Variants in CHD9 observed in about 807,000 individuals in gnomAD.
The protein encoded by CHD9 is chromodomain helicase DNA binding protein 9.
In CHD9, 77 loss-of-function variants were observed where a neutral mutation model predicts 316.1. The ratio of observed to expected loss-of-function variants is 0.24; its 90% CI spans 0.20 to 0.29. The LOEUF (loss-of-function observed/expected upper bound fraction) is 0.29, where lower values mean the gene tolerates loss of function less well. Ranked by LOEUF, CHD9 falls within the 10% of genes least tolerant of loss-of-function variation. The pLI, the probability that CHD9 is intolerant of heterozygous loss-of-function variation, is 1.00. For synonymous variants in CHD9, 1,129 were observed against 1,158.3 expected (o/e 0.97, Z 0.51); for missense variants, 2,763 against 3,438.1 (o/e 0.80, Z 4.91).
chr16:53,123,558 G>A (rs1163696580), intron 1 of CHD9, among the ~76,000 whole-genome samples: 2 of 152,024 alleles, frequency 1.3e-5, no homozygotes, highest in Non-Finnish European at 2.9e-5. Flanking sequence ...CTAGAATGCA[G>A]TGGCTGTATC....
intron 1 of CHD9, among the ~76,000 whole-genome samples, chr16:53,077,328 AT>A (rs924893639): frequency 2.5e-4 from 32 of 128,386 alleles, no homozygotes; most frequent in African/African-American, 5.8e-4. Flanking sequence ...TTTTAAATTC[AT>A]TTTTTTTTGT....
intron 2 of CHD9, among the ~76,000 whole-genome samples, chr16:53,187,776 A>C (rs1412863365): frequency 1.3e-5 from 2 of 152,202 alleles, no homozygotes; most frequent in Non-Finnish European, 2.9e-5. Flanking sequence ...TGGGAAAAGG[A>C]CTTTTTGTAT....
At chr16:53,173,894 T>G (rs1323936444) in intron 2 of CHD9, among the ~76,000 whole-genome samples, 1 of 152,142 alleles carries the variant, frequency 6.6e-6, no homozygotes, top group Admixed American at 6.5e-5. Context: ...ATTAAGATCT[T>G]TCTTCTTATT....
At chr16:53,100,450 C>G in intron 1 of CHD9, among the ~76,000 whole-genome samples, 1 of 105,216 alleles carries the variant, frequency 9.5e-6, no homozygotes, top group East Asian at 2.7e-4. Flanking sequence ...TAGACTCATT[C>G]GTCTTTTTTT....
intron 19 of CHD9, among the ~76,000 whole-genome samples, chr16:53,262,274 A>G (rs1264825994): frequency 6.6e-6 from 1 of 152,170 alleles, no homozygotes; most frequent in Non-Finnish European, 1.5e-5. Flanking sequence ...AGTGATTTAA[A>G]TTGTAAATAA....
chr16:53,187,448 G>A (rs531622117), intron 2 of CHD9, among the ~76,000 whole-genome samples: 6 of 152,212 alleles, frequency 3.9e-5, no homozygotes, highest in African/African-American at 1.2e-4. Flanking sequence ...CAAAGTTACC[G>A]TGAGCTATGA....
At position 53,203,576 on chromosome 16, in the gene CHD9, C is replaced by T. The variant is rs138285957; in HGVS notation, c.1453-5906C>T. On this transcript the variant is annotated intron_variant, in intron 2 of 38. Transcript: ENST00000447540. ...CTTCTATCCACCTAGTCCTCCAAGC[C>T]TAAAGCCTAAGAGTCTTCCTCTCTC... is the stretch of plus-strand genomic sequence containing the variant. Among the ~76,000 whole-genome samples the T allele has an allele frequency of 2.1e-3, 327 of 152,276 alleles. 1 individual carries two copies. The Middle Eastern group carries it at 0.027, about 13-fold the overall frequency.
At chr16:53,220,172 G>A (rs2047119524) in intron 3 of CHD9, among the ~76,000 whole-genome samples, 1 of 152,206 alleles carries the variant, frequency 6.6e-6, no homozygotes, top group Admixed American at 6.5e-5. Flanking sequence ...TGTTGCTTCA[G>A]AATATCTTTG....
In CHD9 at chr16:53,245,303, A is replaced by T. The variant is rs527662666; in HGVS notation, c.3055-33A>T. 1.5e-5 allele frequency: 22 copies of T among 1,461,846 alleles called. No individual in the cohort carries two copies. In the South Asian group the frequency reaches 2.7e-4, roughly 18 times the overall value. 90.6% of individuals were successfully genotyped at this position (1,461,846 alleles called of 1,614,324 possible). On this transcript the variant is annotated intron_variant, in intron 13 of 38. Coordinates refer to ENST00000447540, the MANE Select transcript of CHD9 (RefSeq NM_001308319.2). The surrounding 1 kb of genome is among the most constrained non-coding windows in gnomAD (Gnocchi z 4.1). ...GCTTTCATATAATTTTAGTACTGTG[A>T]TGTTTGATGTGAATTGTTCTCACTT...
At chr16:53,288,427 A>G (rs888657243) in intron 27 of CHD9, among the ~76,000 whole-genome samples, 2 of 152,272 alleles carry the variant, frequency 1.3e-5, no homozygotes, top group Non-Finnish European at 2.9e-5. Flanking sequence ...GCCAAAGCAT[A>G]GTTCTCAGTG....
chr16:53,254,575 C>T lies in CHD9; in HGVS notation c.3999C>T (p.Ser1333=), dbSNP rs772675141. ...GCCTAGATAAAGCTGTGTTACAGAG[C>T]ATGAGTGGAAGAGAAAGTAATGTTG... is the stretch of plus-strand genomic sequence containing the variant. The part of the protein sequence containing the change: ...KLGLDKAVLQ[S]MSGRESNVGG... The change falls in exon 18 of 39, where the codon AGC becomes AGT. Residue 1333 remains serine, a synonymous_variant. Transcript: ENST00000447540. 15 of 1,608,892 alleles carry T rather than the reference C, an allele frequency of 9.3e-6. No individual in the cohort carries two copies. The Admixed American group carries it at 1.5e-4, about 16-fold the overall frequency.
At chr16:53,104,783 GC>G in intron 1 of CHD9, among the ~76,000 whole-genome samples, 1 of 148,066 alleles carries the variant, frequency 6.8e-6, no homozygotes, top group African/African-American at 2.5e-5. Context: ...CTGCACTCCA[GC>G]CCGGGTGACA....
intron 1 of CHD9, among the ~76,000 whole-genome samples, chr16:53,137,554 C>T (rs1405131075): frequency 3.9e-5 from 6 of 152,078 alleles, no homozygotes; most frequent in East Asian, 1.9e-4. Context: ...TGTGTGAGAG[C>T]GCCAGTTACT....
chr16:53,199,547 A>G (rs934754556), intron 2 of CHD9, among the ~76,000 whole-genome samples: 1 of 152,178 alleles, frequency 6.6e-6, no homozygotes, highest in Non-Finnish European at 1.5e-5. Context: ...TAGTGTACTC[A>G]TCACCTATAT....
chr16:53,164,648 G>T (rs577290386), intron 2 of CHD9, among the ~76,000 whole-genome samples: 6 of 151,680 alleles, frequency 4.0e-5, no homozygotes, highest in African/African-American at 7.2e-5. Flanking sequence ...TTTTTGGAGG[G>T]GGGGGTTTGT....
intron 11 of CHD9, among the ~76,000 whole-genome samples, chr16:53,237,312 C>T (rs2048714516): frequency 6.6e-6 from 1 of 152,114 alleles, no homozygotes; most frequent in South Asian, 2.1e-4. Context: ...CCCACACTTT[C>T]TTCCCTGCAC....
chr16:53,255,794 A>T lies in CHD9; in HGVS notation c.4209+15A>T, dbSNP rs115893177. On this transcript the variant is annotated intron_variant, in intron 19 of 38. Transcript: ENST00000447540. ...CATTTGCCAAGGTAATAGTGGGTGC[A>T]ATTTTATTAACATAGCAGTGATGTT... is the stretch of plus-strand genomic sequence containing the variant. 5.9e-5 allele frequency: 95 copies of T among 1,609,786 alleles called. No individual in the cohort carries two copies. In the African/African-American group the frequency reaches 1.2e-3, roughly 20 times the overall value.
chr16:53,164,891 G>A (rs1015066090), intron 2 of CHD9, among the ~76,000 whole-genome samples: 3 of 152,096 alleles, frequency 2.0e-5, no homozygotes, highest in Non-Finnish European at 4.4e-5. Flanking sequence ...CTGACCTCAA[G>A]TGATCTGCCC....
At chr16:53,114,892 TA>T (rs2038172679) in intron 1 of CHD9, among the ~76,000 whole-genome samples, 1 of 152,052 alleles carries the variant, frequency 6.6e-6, no homozygotes, top group African/African-American at 2.4e-5. Flanking sequence ...AGGCCAGCAT[TA>T]TTTTTTTATT....
Sources: gnomAD v4.1 joint callset for allele counts (sites outside exome capture counted in the v4.1 genomes callset) on GRCh38, gnomAD v4.1.1 for gene constraint, Gnocchi (gnomAD v3.1) non-coding constraint, MANE v1.5 for transcripts, NCBI Gene and HGNC (gene_info 2026-07-23, HGNC 2026-07-21) for gene names.